Variants in CDK14 observed in about 807,000 individuals in gnomAD.
The protein encoded by CDK14 is cyclin dependent kinase 14.
A neutral mutation model predicts 60.7 loss-of-function variants in CDK14; 34 were observed. The ratio of observed to expected loss-of-function variants is 0.56; its 90% CI spans 0.43 to 0.75. The LOEUF (loss-of-function observed/expected upper bound fraction) is 0.75, where lower values mean the gene tolerates loss of function less well. Ranked by LOEUF, CDK14 falls within the 30% of genes least tolerant of loss-of-function variation. The probability of loss-of-function intolerance (pLI) is 0.00; values close to 1 mark genes in which losing one functional copy is unlikely to be tolerated. For missense variants in CDK14, 482 were observed against 564.1 expected (o/e 0.85, Z 1.47); for synonymous variants, 197 against 203.7 (o/e 0.97, Z 0.28).
At chr7:91,118,259 G>A (rs1350001697) in intron 14 of CDK14, 51 bp downstream of exon 14, 8 of 819,768 alleles carry the variant, frequency 9.8e-6, no homozygotes, top group Non-Finnish European at 1.6e-5. Context: ...ATATTGAACG[G>A]ATTCTTTAAG....
chr7:90,800,722 A>G (rs1045708457), intron 5 of CDK14, among the ~76,000 whole-genome samples: 1 of 152,118 alleles, frequency 6.6e-6, no homozygotes, highest in East Asian at 1.9e-4. Flanking sequence ...TTGCTTTTCT[A>G]GGGCTTCTGT....
At chr7:91,189,940 G>A (rs964548937) in intron 14 of CDK14, among the ~76,000 whole-genome samples, 31 of 152,144 alleles carry the variant, frequency 2.0e-4, no homozygotes, top group African/African-American at 7.0e-4. Flanking sequence ...GGTAAATTAT[G>A]TGTATTCTCA....
At chr7:91,067,566 A>G (rs553507054) in intron 11 of CDK14, among the ~76,000 whole-genome samples, 3 of 152,324 alleles carry the variant, frequency 2.0e-5, no homozygotes, top group Admixed American at 1.3e-4. Flanking sequence ...TTTCAATGCC[A>G]CCGAACTGTA....
At chr7:90,925,001 G>A (rs1793372079) in intron 8 of CDK14, among the ~76,000 whole-genome samples, 1 of 151,924 alleles carries the variant, frequency 6.6e-6, no homozygotes, top group African/African-American at 2.4e-5. Context: ...AAGAACTAAT[G>A]GTCTGTGCTG....
intron 10 of CDK14, among the ~76,000 whole-genome samples, chr7:91,008,127 C>CAAAAA (rs56082719): frequency 0.025 from 1,570 of 62,394 alleles, 185 homozygotes; most frequent in Non-Finnish European, 0.031. Flanking sequence ...GGGAGAAGGC[C>CAAAAA]AAAAAAAAAA....
intron 11 of CDK14, among the ~76,000 whole-genome samples, chr7:91,057,597 G>A (rs564598468): frequency 6.6e-6 from 1 of 152,292 alleles, no homozygotes; most frequent in Admixed American, 6.5e-5. Context: ...GTATAAGGAA[G>A]GGATCCATTT....
chr7:91,054,288 T>G (rs1797489728), intron 11 of CDK14, among the ~76,000 whole-genome samples: 1 of 152,106 alleles, frequency 6.6e-6, no homozygotes, highest in Non-Finnish European at 1.5e-5. Flanking sequence ...TTAAAAATTA[T>G]TACGTAAATA....
rs377600207 is a variant in CDK14 at position 90,927,533 on chromosome 7, TAGAC to T, written c.826+9812_826+9815del. ...CACAATGTCACACAAAGTTTGGAAA[TAGAC>T]AGTACACAGCTGTAGTGCAAGTGGT... On this transcript the variant is annotated intron_variant, in intron 8 of 14. Coordinates refer to ENST00000380050, the MANE Select transcript of CDK14 (RefSeq NM_001287135.2). Among the ~76,000 whole-genome samples the T allele has an allele frequency of 1.5e-4, 23 of 152,212 alleles. No individual in the cohort carries two copies. The East Asian group carries it at 2.9e-3, about 19-fold the overall frequency.
At chr7:91,095,517 G>T (rs926083654) in intron 12 of CDK14, among the ~76,000 whole-genome samples, 2 of 152,122 alleles carry the variant, frequency 1.3e-5, no homozygotes, top group Non-Finnish European at 2.9e-5. Context: ...AGTAAAAACC[G>T]AGTTGCCCCA....
chr7:91,145,913 G>C, intron 14 of CDK14, among the ~76,000 whole-genome samples: 1 of 113,924 alleles, frequency 8.8e-6, no homozygotes, highest in South Asian at 2.9e-4. Flanking sequence ...GATTAACCTG[G>C]CTTGCTTTAT....
intron 11 of CDK14, among the ~76,000 whole-genome samples, chr7:91,055,779 C>G (rs1362293106): frequency 6.6e-6 from 1 of 152,060 alleles, no homozygotes; most frequent in East Asian, 1.9e-4. Context: ...AACTTTTAGC[C>G]TAAGAATTTA....
intron 9 of CDK14, among the ~76,000 whole-genome samples, chr7:90,977,756 C>T (rs1478154022): frequency 6.6e-6 from 1 of 152,104 alleles, no homozygotes; most frequent in Non-Finnish European, 1.5e-5. Flanking sequence ...GCTGAGCTCA[C>T]ACAGAATAGC....
intron 2 of CDK14, among the ~76,000 whole-genome samples, chr7:90,682,386 A>G (rs1801334750): frequency 6.6e-6 from 1 of 152,156 alleles, no homozygotes; most frequent in Non-Finnish European, 1.5e-5. Context: ...CTTTACCACT[A>G]GCTTTGTTAT....
At chr7:90,596,818 G>A (rs1220929463) in intron 1 of CDK14, 100 bp downstream of exon 1, 2 of 982,522 alleles carry the variant, frequency 2.0e-6, no homozygotes, top group Admixed American at 2.1e-5. Flanking sequence ...CAGCGGGGCT[G>A]GCGTGGGGTG....
At chr7:90,670,462 T>C (rs1801073346) in intron 2 of CDK14, among the ~76,000 whole-genome samples, 1 of 152,186 alleles carries the variant, frequency 6.6e-6, no homozygotes. Flanking sequence ...CTTGCATTGC[T>C]ATAAAGGAAT....
intron 5 of CDK14, among the ~76,000 whole-genome samples, chr7:90,819,571 A>G (rs896516387): frequency 6.6e-6 from 1 of 152,018 alleles, no homozygotes; most frequent in Non-Finnish European, 1.5e-5. Context: ...AGTTCATGGA[A>G]TGACCCTAAG....
chr7:91,079,643 A>G (rs1003446315), intron 12 of CDK14, among the ~76,000 whole-genome samples, 163 bp downstream of exon 12: 8 of 152,168 alleles, frequency 5.3e-5, no homozygotes, highest in Non-Finnish European at 8.8e-5. Flanking sequence ...GCTAGCTACT[A>G]TGTTCAGCCT....
intron 2 of CDK14, among the ~76,000 whole-genome samples, chr7:90,624,313 C>A (rs1248525341): frequency 6.6e-6 from 1 of 152,150 alleles, no homozygotes; most frequent in Non-Finnish European, 1.5e-5. Flanking sequence ...GAAACCCTAG[C>A]AATGTGGATT....
At chr7:91,179,463 C>G (rs992590415) in intron 14 of CDK14, among the ~76,000 whole-genome samples, 1 of 150,806 alleles carries the variant, frequency 6.6e-6, no homozygotes, top group Admixed American at 6.6e-5. Context: ...ATGTAACTAA[C>G]CTGCACGATG....
Sources: gnomAD v4.1 joint callset for allele counts (sites outside exome capture counted in the v4.1 genomes callset) on GRCh38, gnomAD v4.1.1 for gene constraint, MANE v1.5 for transcripts, NCBI Gene and HGNC (gene_info 2026-07-23, HGNC 2026-07-21) for gene names.